The following PUDP variants were observed in gnomAD, a reference collection of about 807,000 sequenced individuals.
The protein encoded by PUDP is pseudouridine 5'-phosphatase.
PUDP carries 8 observed loss-of-function variants against 9.4 expected under a neutral mutation model. That is an observed-to-expected ratio of 0.85 (90% CI 0.50 to 1.53). PUDP has a LOEUF of 1.53. PUDP is among the 40% of genes most tolerant of loss of function. PUDP has a pLI of 0.00. For missense variants in PUDP, 188 were observed against 189.7 expected (o/e 0.99, Z 0.05); for synonymous variants, 99 against 80.7 (o/e 1.23, Z -1.22).
intron 3 of PUDP, among the ~76,000 whole-genome samples, chrX:7,073,108 C>A (rs751426474): frequency 1.8e-5 from 2 of 111,547 alleles, no homozygotes; most frequent in Non-Finnish European, 3.8e-5. Flanking sequence ...GATGTCGCAC[C>A]CTGCCTGGCA....
chrX:7,069,030 G>C (rs1240572122), intron 3 of PUDP, among the ~76,000 whole-genome samples: 1 of 111,931 alleles, frequency 8.9e-6, no homozygotes, highest in Non-Finnish European at 1.9e-5. Context: ...GACAGAGTGA[G>C]ATGAACACCA....
At chrX:7,079,181 C>A (rs1359492667) in intron 2 of PUDP, among the ~76,000 whole-genome samples, 1 of 112,500 alleles carries the variant, frequency 8.9e-6, no homozygotes, top group African/African-American at 3.2e-5. Context: ...AGGTTACTTA[C>A]ATTAATAACA....
intron 3 of PUDP, among the ~76,000 whole-genome samples, chrX:6,817,524 TG>T (rs1248644173): frequency 1.8e-5 from 2 of 112,146 alleles, no homozygotes; most frequent in East Asian, 5.6e-4. Context: ...TGTGGTCACC[TG>T]GGTTCTCCAT....
In PUDP at chrX:7,033,913, A is replaced by G. The variant is rs748540084; in HGVS notation, c.204+43307T>C. 2.6e-3 allele frequency among the ~76,000 whole-genome samples: 295 copies of G among 112,151 alleles called. 1 individual carries two copies. Among genetic ancestry groups the G allele is most frequent in the Non-Finnish European group, 4.0e-3 (214 of 53,177 alleles). The stretch of plus-strand genomic sequence containing the variant: ...GAGGCGTAAATGCCAATACAGCACA[A>G]TAGCATGAGTTGTCAAGAGACAGGA... On this transcript the variant is annotated intron_variant and NMD_transcript_variant, in intron 1 of 3. Coordinates refer to the PUDP transcript ENST00000655425.
intron 1 of PUDP, among the ~76,000 whole-genome samples, chrX:7,035,252 T>G (rs1361673463): frequency 2.7e-5 from 3 of 112,033 alleles, no homozygotes; most frequent in African/African-American, 9.7e-5. Flanking sequence ...ATTCTTAAAA[T>G]GAATATAATG....
At chrX:7,006,125 G>C (rs1929398915) in intron 1 of PUDP, among the ~76,000 whole-genome samples, 1 of 112,027 alleles carries the variant, frequency 8.9e-6, no homozygotes. Flanking sequence ...ATTGTAAATA[G>C]TGCTGCCATA....
intron 1 of PUDP, among the ~76,000 whole-genome samples, chrX:7,014,217 G>A (rs1374348842): frequency 9.1e-6 from 1 of 110,247 alleles, no homozygotes; most frequent in African/African-American, 3.3e-5. Context: ...GGAGCCTGGG[G>A]TTTGGGGTTT....
Position 7,105,175 on chromosome X carries a change from CT to C in PUDP, c.280+444del, listed in dbSNP as rs202027557. Among the ~76,000 whole-genome samples the C allele has an allele frequency of 6.2e-3, 603 of 97,755 alleles. 14 individuals carry two copies. The East Asian group carries it at 0.067, about 11-fold the overall frequency. The allele number at this position is 97,755 out of a possible 115,157, so 84.9% of individuals were successfully genotyped here. A position where few individuals can be genotyped will look rare whatever the true frequency, so the allele number is the denominator to read the frequency against. On this transcript the variant is annotated intron_variant, in intron 2 of 3. Transcript: ENST00000381077. ...GGCTAAAAATGAATTCGACTTTTTA[CT>C]TTTTTTTTTTTTTAATTAAGCGTCT... is the stretch of plus-strand genomic sequence containing the variant.
At chrX:6,787,783 ATTGT>A (rs1219511691) in intron 3 of PUDP, among the ~76,000 whole-genome samples, 2 of 111,968 alleles carry the variant, frequency 1.8e-5, no homozygotes, top group African/African-American at 6.5e-5. Flanking sequence ...ATATGGGTAA[ATTGT>A]TTGCTTTTAT....
chrX:7,012,351 C>T (rs1279181578), intron 1 of PUDP, among the ~76,000 whole-genome samples: 1 of 112,363 alleles, frequency 8.9e-6, no homozygotes, highest in Non-Finnish European at 1.9e-5. Context: ...TGGAAACTAA[C>T]AAGCATTTCT....
intron 2 of PUDP, among the ~76,000 whole-genome samples, chrX:7,084,116 CG>C (rs60354745): frequency 0.24 from 26,966 of 110,442 alleles, 2,619 homozygotes; most frequent in Admixed American, 0.41. Flanking sequence ...TGCATCTTTG[CG>C]GGTGAAGACA....
chrX:7,038,369 C>A (rs1056420868), intron 1 of PUDP, among the ~76,000 whole-genome samples: 1 of 112,206 alleles, frequency 8.9e-6, no homozygotes, highest in Admixed American at 9.4e-5. Flanking sequence ...TGGCAATACA[C>A]GAAAGAGGAT....
intron 1 of PUDP, among the ~76,000 whole-genome samples, chrX:6,714,702 A>G (rs930400633): frequency 4.5e-5 from 5 of 111,642 alleles, no homozygotes; most frequent in African/African-American, 1.6e-4. Flanking sequence ...AATGGAGATG[A>G]TAGATGATTG....
chrX:6,849,618 A>G (rs1283055237), intron 3 of PUDP, among the ~76,000 whole-genome samples: 1 of 111,959 alleles, frequency 8.9e-6, no homozygotes, highest in Non-Finnish European at 1.9e-5. Flanking sequence ...GCATTTAATC[A>G]TCTCTTGCAT....
chrX:6,831,407 T>C (rs1312690059), intron 3 of PUDP, among the ~76,000 whole-genome samples: 1 of 112,139 alleles, frequency 8.9e-6, no homozygotes, highest in Non-Finnish European at 1.9e-5. Flanking sequence ...CTGACTTTGT[T>C]TCAAAGTTAA....
chrX:6,784,399 T>C (rs764302062), intron 3 of PUDP, among the ~76,000 whole-genome samples: 1 of 111,452 alleles, frequency 9.0e-6, no homozygotes, highest in South Asian at 3.8e-4. Context: ...CTCAGCAACA[T>C]AGATCCTGGA....
In PUDP at chrX:6,900,602, A is replaced by C. The variant is rs186858117; in HGVS notation, c.*247+76531T>G. On this transcript the variant is annotated intron_variant and NMD_transcript_variant, in intron 3 of 3. Coordinates refer to the PUDP transcript ENST00000655425. ...CGGAGAGGGAGAGAAAGAGAGAGAG[A>C]GAGAGAGAATGCTAACAGGCATTTC... 5.3e-3 allele frequency among the ~76,000 whole-genome samples: 571 copies of C among 108,652 alleles called. 3 individuals carry two copies. The highest frequency in any genetic ancestry group is 0.019 in the African/African-American group (555 of 29,718). The allele number at this position is 108,652 out of a possible 115,157, so 94.4% of individuals were successfully genotyped here.
intron 3 of PUDP, among the ~76,000 whole-genome samples, chrX:6,925,326 T>A (rs189895089): frequency 8.9e-6 from 1 of 111,834 alleles, no homozygotes; most frequent in Non-Finnish European, 1.9e-5. Flanking sequence ...TTCATTTGTG[T>A]CTTCCCTCTT....
intron 3 of PUDP, among the ~76,000 whole-genome samples, chrX:6,917,365 T>A (rs950108280): frequency 9.1e-5 from 7 of 77,136 alleles, no homozygotes; most frequent in Non-Finnish European, 1.4e-4. Flanking sequence ...AAACCCTAAC[T>A]CAAAATTAAA....
Sources: allele counts gnomAD v4.1 joint callset (sites outside exome capture counted in the v4.1 genomes callset), GRCh38; gene constraint gnomAD v4.1.1; transcripts MANE v1.5; gene names NCBI Gene and HGNC (gene_info 2026-07-23, HGNC 2026-07-21).